Variants in TRUB1 observed in about 807,000 individuals in gnomAD.
TRUB1 encodes the protein pseudouridylate synthase TRUB1.
A neutral mutation model predicts 33.9 loss-of-function variants in TRUB1; 23 were observed. That is an observed-to-expected ratio of 0.68 (90% CI 0.49 to 0.96). The LOEUF (loss-of-function observed/expected upper bound fraction) is 0.96. Ranked by LOEUF, TRUB1 falls within the 40% of genes least tolerant of loss-of-function variation. The pLI, the probability that TRUB1 is intolerant of heterozygous loss-of-function variation, is 0.00. For synonymous variants in TRUB1, 163 were observed against 165.4 expected, an observed-to-expected ratio of 0.99 and a Z score of 0.11; for missense variants, 378 against 422.2, an observed-to-expected ratio of 0.90 and a Z score of 0.92.
chr10:114,956,401 G>A (rs1355883193), intron 3 of TRUB1, among the ~76,000 whole-genome samples: 1 of 152,176 alleles, frequency 6.6e-6, no homozygotes, highest in African/African-American at 2.4e-5. Flanking sequence ...AAATGTTAGG[G>A]TTGAATGTGT....
At chr10:114,939,973 G>A (rs938983613) in intron 1 of TRUB1, among the ~76,000 whole-genome samples, 3 of 152,058 alleles carry the variant, frequency 2.0e-5, no homozygotes, top group African/African-American at 7.2e-5. Context: ...CAAGGCTCTT[G>A]CTAGGCTAGA....
chr10:114,972,434 A>G (rs2084341287), intron 6 of TRUB1, among the ~76,000 whole-genome samples, 160 bp downstream of exon 6: 1 of 152,174 alleles, frequency 6.6e-6, no homozygotes, highest in Non-Finnish European at 1.5e-5. Flanking sequence ...TTGGTAACAC[A>G]TTTAATGAGA....
intron 2 of TRUB1, among the ~76,000 whole-genome samples, chr10:114,943,693 C>T (rs1193699883): frequency 6.6e-6 from 1 of 152,162 alleles, no homozygotes; most frequent in African/African-American, 2.4e-5. Context: ...AGCTTGTGCC[C>T]AGATTTCTCT....
intron 3 of TRUB1, among the ~76,000 whole-genome samples, chr10:114,958,731 A>G (rs74953421): frequency 0.073 from 11,191 of 152,294 alleles, 785 homozygotes; most frequent in African/African-American, 0.18. Context: ...AAATAAGACA[A>G]TCCTCACGTA....
rs1361821284 is a variant in TRUB1 at position 114,976,346 on chromosome 10, G to A, written c.*967G>A. On this transcript the variant is annotated 3_prime_UTR_variant, in exon 8 of 8. Coordinates refer to ENST00000298746, the MANE Select transcript of TRUB1 (RefSeq NM_139169.5). The stretch of plus-strand genomic sequence containing the variant: ...CTTCTGCTCTAAATATTTAAAAACA[G>A]TTCTTCTCAAACATTTTCATTCAGA... 1 of 152,122 alleles carries A rather than the reference G, an allele frequency of 6.6e-6. No homozygotes were observed. Among genetic ancestry groups the A allele is most frequent in the Non-Finnish European group, 1.5e-5 (1 of 68,006 alleles). 9.4% of individuals were successfully genotyped at this position (152,122 alleles called of 1,614,324 possible).
chr10:114,953,365 AT>A (rs2084245766), intron 3 of TRUB1, among the ~76,000 whole-genome samples: 1 of 152,212 alleles, frequency 6.6e-6, no homozygotes, highest in Non-Finnish European at 1.5e-5. Context: ...AGCTATTTAT[AT>A]TTCTTATCCT....
chr10:114,945,993 A>G (rs2084209594), intron 2 of TRUB1, among the ~76,000 whole-genome samples: 2 of 152,198 alleles, frequency 1.3e-5, no homozygotes, highest in South Asian at 4.1e-4. Flanking sequence ...CCGAGGAGAG[A>G]GAAAGTTTAA....
At position 114,942,748 on chromosome 10, in the gene TRUB1, G is replaced by C. The variant is rs1289554631; in HGVS notation, c.385+5G>C. The C allele has an allele frequency of 2.5e-6, 4 of 1,601,264 alleles. No homozygotes were observed. Among genetic ancestry groups the C allele is most frequent in the Non-Finnish European group, 3.4e-6 (4 of 1,168,576 alleles). On this transcript the variant is annotated splice_donor_5th_base_variant and intron_variant, in intron 2 of 7. Transcript: ENST00000298746. ...GCGCAGCCCGAGGAGTTCTGGGTAA[G>C]AGATATGAAAGGCAGTTAAGTGTCC...
chr10:114,971,958 A>G (rs979619350), intron 5 of TRUB1, among the ~76,000 whole-genome samples, 177 bp from the exon 6 acceptor site: 7 of 152,222 alleles, frequency 4.6e-5, no homozygotes, highest in African/African-American at 1.7e-4. Flanking sequence ...TGACAGCATT[A>G]TGGAGTAGAT....
intron 1 of TRUB1, among the ~76,000 whole-genome samples, chr10:114,939,150 C>G (rs889347266): frequency 6.6e-6 from 1 of 152,168 alleles, no homozygotes; most frequent in African/African-American, 2.4e-5. Context: ...TTGAGGAACA[C>G]TAAATATAAC....
chr10:114,966,931 G>A (rs1276580783), intron 4 of TRUB1, among the ~76,000 whole-genome samples: 1 of 151,930 alleles, frequency 6.6e-6, no homozygotes, highest in African/African-American at 2.4e-5. Context: ...ACTTTTCTGG[G>A]GTGTCTATCA....
At chr10:114,946,951 A>G (rs2084213996) in intron 2 of TRUB1, among the ~76,000 whole-genome samples, 1 of 152,156 alleles carries the variant, frequency 6.6e-6, no homozygotes, top group Non-Finnish European at 1.5e-5. Context: ...AGGGTTGTAG[A>G]TGGAATTGAT....
At chr10:114,950,522 A>G (rs1424901145) in intron 2 of TRUB1, among the ~76,000 whole-genome samples, 3 of 152,182 alleles carry the variant, frequency 2.0e-5, no homozygotes, top group Non-Finnish European at 4.4e-5. Flanking sequence ...GAAATTTAAG[A>G]GAAAGGTAGG....
intron 2 of TRUB1, among the ~76,000 whole-genome samples, chr10:114,950,055 T>A (rs1272738144): frequency 6.6e-6 from 1 of 151,978 alleles, no homozygotes; most frequent in African/African-American, 2.4e-5. Flanking sequence ...TGCGCCACCA[T>A]ACCTGGCTAA....
rs138623005 is a variant in TRUB1, at chr10:114,972,255, G to C, written c.717G>C (p.Gln239His). ...ACAGTATCTCCCTTCAAAAATTCCAGCCACCATTTTTCACATTAGGTAAGA... is the reference window on the plus strand; with the variant it reads ...ACAGTATCTCCCTTCAAAAATTCCACCCACCATTTTTCACATTAGGTAAGA... ...TVYSISLQKF[Q>H]PPFFTLDVEC... The change falls in exon 6 of 8, where the codon CAG becomes CAC. Residue 239 changes from glutamine (Q) to histidine (H), a missense_variant. Coordinates refer to ENST00000298746, the MANE Select transcript of TRUB1 (RefSeq NM_139169.5). 8.5e-5 allele frequency: 136 copies of C among 1,605,430 alleles called. No individual in the cohort carries two copies. In the African/African-American group the frequency reaches 1.8e-3, roughly 21 times the overall value.
chr10:114,957,996 A>T (rs1173333674), intron 3 of TRUB1, among the ~76,000 whole-genome samples: 1 of 152,206 alleles, frequency 6.6e-6, no homozygotes, highest in African/African-American at 2.4e-5. Context: ...TGGTATTATT[A>T]TCTGTTATTT....
At chr10:114,955,075 T>C (rs573043628) in intron 3 of TRUB1, among the ~76,000 whole-genome samples, 8 of 152,282 alleles carry the variant, frequency 5.3e-5, no homozygotes, top group Admixed American at 4.6e-4. Context: ...GACAGATAGA[T>C]GGTGATTTTC....
At chr10:114,938,998 T>G (rs2084172844) in intron 1 of TRUB1, among the ~76,000 whole-genome samples, 1 of 152,218 alleles carries the variant, frequency 6.6e-6, no homozygotes, top group Non-Finnish European at 1.5e-5. Flanking sequence ...AACAATTACT[T>G]AGAGTCTCTT....
In TRUB1 at chr10:114,976,624, G is replaced by C. The variant is rs566125081; in HGVS notation, c.*1245G>C. Reference sequence around the variant, plus strand: ...ATGCTTTGCCTTTCTTTTTAAAGGTGTTTTCCTGCTTTGTAGTCTCTAACT... The same window carrying C: ...ATGCTTTGCCTTTCTTTTTAAAGGTCTTTTCCTGCTTTGTAGTCTCTAACT... On this transcript the variant is annotated 3_prime_UTR_variant, in exon 8 of 8. Transcript: ENST00000298746. 6.6e-5 allele frequency: 10 copies of C among 152,218 alleles called. No individual in the cohort carries two copies. Among genetic ancestry groups the C allele is most frequent in the African/African-American group, 2.4e-4 (10 of 41,552 alleles). The allele number at this position is 152,218 out of a possible 1,614,324, so 9.4% of individuals were successfully genotyped here. A position where few individuals can be genotyped will look rare whatever the true frequency, so the allele number is the denominator to read the frequency against.
Sources: gnomAD v4.1 joint callset for allele counts (sites outside exome capture counted in the v4.1 genomes callset) on GRCh38, gnomAD v4.1.1 for gene constraint, MANE v1.5 for transcripts, NCBI Gene and HGNC (gene_info 2026-07-23, HGNC 2026-07-21) for gene names.